Variants in AFMID observed in about 807,000 individuals in gnomAD.
The protein encoded by AFMID is kynurenine formamidase.
In AFMID, 39 loss-of-function variants were observed where a neutral mutation model predicts 47.5. The ratio of observed to expected loss-of-function variants is 0.82; its 90% CI spans 0.64 to 1.07. AFMID has a LOEUF of 1.07. Among genes scored for constraint, AFMID ranks in the 50% least tolerant of loss-of-function variants. The pLI is 0.00. For synonymous variants in AFMID, 130 were observed against 153.2 expected, an observed-to-expected ratio of 0.85 and a Z score of 1.12; for missense variants, 375 against 387.5, an observed-to-expected ratio of 0.97 and a Z score of 0.27.
intron 2 of AFMID, among the ~76,000 whole-genome samples, chr17:78,196,301 G>T (rs113841509): frequency 0.19 from 28,915 of 152,130 alleles, 3,342 homozygotes; most frequent in Non-Finnish European, 0.26. Context: ...GGAGGCAGAG[G>T]TTGCAATGAG....
chr17:78,192,794 G>A (rs2076007582), intron 2 of AFMID: 4 of 361,730 alleles, frequency 1.1e-5, no homozygotes, highest in South Asian at 4.2e-5. Context: ...AGGTGAGGAC[G>A]CAGCCAACCA....
At chr17:78,200,068 CAAATCCTAACCCTGGGAACCTATGA>C (rs1177594469) in intron 2 of AFMID, among the ~76,000 whole-genome samples, 1 of 151,998 alleles carries the variant, frequency 6.6e-6, no homozygotes, top group Non-Finnish European at 1.5e-5. Flanking sequence ...AAGATATGTC[CAAATCCTAACCCTGGGAACCTATGA>C]AAATCCTAAC....
At chr17:78,196,552 G>A (rs144935410) in intron 2 of AFMID, among the ~76,000 whole-genome samples, 154 of 152,136 alleles carry the variant, frequency 1.0e-3, no homozygotes, top group African/African-American at 3.3e-3. Flanking sequence ...AGTGGCACAT[G>A]CCTGTAATCC....
intron 2 of AFMID, among the ~76,000 whole-genome samples, chr17:78,195,356 G>C (rs772515360): frequency 1.3e-5 from 2 of 150,894 alleles, no homozygotes; most frequent in African/African-American, 4.9e-5. Context: ...CACCACGCCC[G>C]GCTAATTTTT....
chr17:78,201,427 T>C (rs2076240069), intron 2 of AFMID, among the ~76,000 whole-genome samples: 1 of 151,974 alleles, frequency 6.6e-6, no homozygotes. Context: ...GAGACCAGCC[T>C]CGCCAATACA....
At chr17:78,205,019 G>A in intron 6 of AFMID, 74 bp from the exon 7 acceptor site, 1 of 1,562,550 alleles carries the variant, frequency 6.4e-7, no homozygotes, top group East Asian at 2.3e-5. Flanking sequence ...AAGCAAATTG[G>A]GACTCTTCGA....
At position 78,187,366 on chromosome 17, in the gene AFMID, A is replaced by T. The variant is rs749299277; in HGVS notation, c.-5A>T. ...GGGACGCACGCCCATGCGGCTGTAG[A>T]CGCCATGATGGATGTGTCTGGTGTG... On this transcript the variant is annotated 5_prime_UTR_variant, in exon 1 of 11. Coordinates refer to ENST00000409257, the MANE Select transcript of AFMID (RefSeq NM_001010982.5). The T allele has an allele frequency of 8.1e-6, 13 of 1,613,586 alleles. No homozygotes were observed. In the South Asian group the frequency reaches 1.4e-4, roughly 18 times the overall value.
chr17:78,189,830 GT>G (rs770053983), intron 1 of AFMID, among the ~76,000 whole-genome samples: 2,946 of 109,448 alleles, frequency 0.027, 57 homozygotes, highest in Admixed American at 0.1. Flanking sequence ...TTTTCTGTTG[GT>G]TTTTTTTTTT....
chr17:78,206,561 T>C (rs1455728814), intron 10 of AFMID, among the ~76,000 whole-genome samples: 1 of 130,770 alleles, frequency 7.6e-6, no homozygotes, highest in Non-Finnish European at 1.6e-5. Context: ...GGCGTGCCAC[T>C]GTGCCCTGCT....
Position 78,202,610 on chromosome 17 carries a change from G to T in AFMID, c.259+7G>T. Reference sequence around the variant, plus strand: ...CCCGACGAGTCGTCTGAAGGTTGTCGGTGAAGGGGCTGGGGGTCCCGGGGC... The same window carrying T: ...CCCGACGAGTCGTCTGAAGGTTGTCTGTGAAGGGGCTGGGGGTCCCGGGGC... On this transcript the variant is annotated splice_region_variant and intron_variant, in intron 3 of 10. Coordinates refer to ENST00000409257, the MANE Select transcript of AFMID (RefSeq NM_001010982.5). 1.9e-6 allele frequency: 3 copies of T among 1,613,514 alleles called. No individual in the cohort carries two copies. The South Asian group carries it at 3.3e-5, about 18-fold the overall frequency.
intron 2 of AFMID, chr17:78,197,332 A>C (rs1452035648): frequency 2.6e-5 from 22 of 854,068 alleles, no homozygotes; most frequent in Non-Finnish European, 3.6e-5. Flanking sequence ...TACCCCTGAG[A>C]GTGCGTCCTA....
chr17:78,190,925 G>A, intron 1 of AFMID, 45 bp from the exon 2 acceptor site: 9 of 1,580,126 alleles, frequency 5.7e-6, no homozygotes, highest in South Asian at 4.5e-5. Flanking sequence ...GGCACACTCT[G>A]TTGAGAAGGA....
intron 1 of AFMID, chr17:78,190,613 A>G (rs1456089751): frequency 5.1e-6 from 1 of 194,636 alleles, no homozygotes; most frequent in African/African-American, 2.3e-5. Flanking sequence ...GCTGGTCTCA[A>G]ACTTCTGACT....
rs1050796066 is a variant in AFMID, at chr17:78,202,513, C to T, written c.169C>T (p.Arg57Trp). 28 of 1,614,052 alleles carry T rather than the reference C, an allele frequency of 1.7e-5. No individual in the cohort carries two copies. Among genetic ancestry groups the T allele is most frequent in the South Asian group, 1.1e-4 (10 of 91,084 alleles). Reference protein sequence around the residue: ...QIGIEATTRARATRKSLLHVP... With the variant: ...QIGIEATTRAWATRKSLLHVP... ...TTCTGAGACAGCCACCACAAGGGCCCGGGCCACCAGGAAGAGCCTGCTGCA... is the reference window on the plus strand; with the variant it reads ...TTCTGAGACAGCCACCACAAGGGCCTGGGCCACCAGGAAGAGCCTGCTGCA... The change falls in exon 3 of 11, where the codon CGG (arginine) becomes TGG (tryptophan). Residue 57 changes from arginine to tryptophan, a missense_variant. Transcript: ENST00000409257.
chr17:78,190,283 C>T (rs1337405936), intron 1 of AFMID, among the ~76,000 whole-genome samples: 1 of 152,170 alleles, frequency 6.6e-6, no homozygotes. Context: ...GCCATAGGGC[C>T]TGCCAGCATT....
chr17:78,193,997 A>G (rs1051539316), intron 2 of AFMID, among the ~76,000 whole-genome samples: 19 of 151,726 alleles, frequency 1.3e-4, no homozygotes, highest in Non-Finnish European at 2.2e-4. Context: ...AAAAAATTTA[A>G]AAATTAGCAG....
intron 2 of AFMID, among the ~76,000 whole-genome samples, chr17:78,194,936 C>T (rs2145855918): frequency 1.3e-5 from 2 of 152,024 alleles, no homozygotes; most frequent in Middle Eastern, 6.8e-3. Flanking sequence ...TCAGGTGATC[C>T]ACCTGCCTCA....
chr17:78,197,286 C>T, intron 2 of AFMID: 2 of 1,370,752 alleles, frequency 1.5e-6, no homozygotes, highest in Non-Finnish European at 2.0e-6. Flanking sequence ...AATGGCCTCA[C>T]AGTGACAAAT....
intron 2 of AFMID, among the ~76,000 whole-genome samples, chr17:78,191,338 G>C (rs1164439111): frequency 6.6e-5 from 10 of 152,140 alleles, no homozygotes; most frequent in Non-Finnish European, 1.2e-4. Flanking sequence ...GGCCCGTAAG[G>C]CTGCGGGCTG....
Sources: allele counts gnomAD v4.1 joint callset (sites outside exome capture counted in the v4.1 genomes callset), GRCh38; gene constraint gnomAD v4.1.1; transcripts MANE v1.5; gene names NCBI Gene and HGNC (gene_info 2026-07-23, HGNC 2026-07-21).